Variants in CDC42EP4 observed in about 807,000 individuals in gnomAD.
CDC42EP4 encodes the protein CDC42 effector protein (Rho GTPase binding) 4.
A neutral mutation model predicts 5.6 loss-of-function variants in CDC42EP4; 6 were observed. The observed-to-expected ratio is 1.07, with a 90% CI of 0.59 to 2.12. The LOEUF (loss-of-function observed/expected upper bound fraction) is 2.12, where lower values mean the gene tolerates loss of function less well. Ranked by LOEUF, CDC42EP4 falls within the 30% of genes most tolerant of loss-of-function variation. The pLI is 0.00. For missense variants in CDC42EP4, 490 were observed against 508.6 expected, an observed-to-expected ratio of 0.96 and a Z score of 0.35; for synonymous variants, 230 against 224.2, an observed-to-expected ratio of 1.03 and a Z score of -0.23.
intron 1 of CDC42EP4, among the ~76,000 whole-genome samples, chr17:73,288,964 T>C (rs899998954): frequency 1.3e-5 from 2 of 152,202 alleles, no homozygotes; most frequent in Admixed American, 1.3e-4. Context: ...TACTCTACTC[T>C]GGGTCATAGG....
rs1951123796 is a variant in CDC42EP4 at position 73,285,695 on chromosome 17, G to A, written c.806C>T (p.Ala269Val). Residue 269 changes from alanine to valine, a missense_variant, in exon 2 of 2, where the codon GCT becomes GTT. Transcript: ENST00000335793. This position sits in a 1 kb window ranked among gnomAD's most constrained non-coding sequence, Gnocchi z 6.8. ...GGGGAGGGAGGGCAAGTCTGGGCCAGCCTTGCCTTCCTGCCTTGCCAGGGG... is the reference window on the plus strand; with the variant it reads ...GGGGAGGGAGGGCAAGTCTGGGCCAACCTTGCCTTCCTGCCTTGCCAGGGG... ...APPLARQEGK[A>V]GPDLPSLPSH... 4 of 1,571,896 alleles carry A rather than the reference G, an allele frequency of 2.5e-6. No individual in the cohort carries two copies. Among genetic ancestry groups the A allele is most frequent in the Non-Finnish European group, 3.5e-6 (4 of 1,153,902 alleles).
chr17:73,302,565 G>A (rs947804230), intron 1 of CDC42EP4, among the ~76,000 whole-genome samples: 5 of 151,682 alleles, frequency 3.3e-5, no homozygotes, highest in African/African-American at 1.2e-4. Context: ...TAGCCTCAAC[G>A]TCCTAGGCTC....
intron 1 of CDC42EP4, among the ~76,000 whole-genome samples, chr17:73,307,690 C>T (rs531301822): frequency 5.9e-5 from 9 of 151,470 alleles, no homozygotes; most frequent in African/African-American, 1.9e-4. Flanking sequence ...CCTCCTGATC[C>T]ACCCGCCTTG....
chr17:73,297,801 GGT>G (rs2062196423), intron 1 of CDC42EP4, among the ~76,000 whole-genome samples: 1 of 151,908 alleles, frequency 6.6e-6, no homozygotes, highest in Non-Finnish European at 1.5e-5. Flanking sequence ...TGGGATTACA[GGT>G]GCACACCATG....
intron 1 of CDC42EP4, among the ~76,000 whole-genome samples, chr17:73,302,768 C>T (rs567220701): frequency 2.2e-4 from 34 of 152,252 alleles, no homozygotes; most frequent in African/African-American, 7.2e-4. Flanking sequence ...ATTGGCCGGG[C>T]GCGGTGGCTC....
intron 1 of CDC42EP4, among the ~76,000 whole-genome samples, chr17:73,292,271 G>A (rs977443608): frequency 2.6e-5 from 4 of 152,222 alleles, no homozygotes; most frequent in Admixed American, 1.3e-4. Context: ...CCAACCACCC[G>A]ATGCCAGGTC....
intron 1 of CDC42EP4, among the ~76,000 whole-genome samples, chr17:73,305,586 A>C (rs923445933): frequency 2.6e-4 from 39 of 152,230 alleles, no homozygotes; most frequent in Non-Finnish European, 8.8e-5. Flanking sequence ...AGTTGGGGAC[A>C]AAGAGCCCCA....
At chr17:73,295,918 A>G (rs1173605397) in intron 1 of CDC42EP4, among the ~76,000 whole-genome samples, 1 of 151,796 alleles carries the variant, frequency 6.6e-6, no homozygotes, top group Non-Finnish European at 1.5e-5. Flanking sequence ...AAAAAAAAAA[A>G]AAAAGAATGA....
chr17:73,287,933 C>G (rs1249135825), intron 1 of CDC42EP4, among the ~76,000 whole-genome samples: 1 of 152,184 alleles, frequency 6.6e-6, no homozygotes, highest in Non-Finnish European at 1.5e-5. Flanking sequence ...AAACAAAACC[C>G]ATCCACATGA....
intron 1 of CDC42EP4, among the ~76,000 whole-genome samples, chr17:73,299,290 C>T (rs1255456095): frequency 1.3e-5 from 2 of 151,540 alleles, no homozygotes; most frequent in African/African-American, 2.4e-5. Context: ...ATTAGCCAGG[C>T]GTGGTGGTGG....
Position 73,297,001 on chromosome 17 carries a change from A to AAAAAAAAAACAC in CDC42EP4, c.-112-10390_-112-10389insGTGTTTTTTTTT, listed in dbSNP as rs547362762. Among the ~76,000 whole-genome samples, 50 of 61,774 alleles carry AAAAAAAAAACAC rather than the reference A, an allele frequency of 8.1e-4. 10 individuals are homozygous for AAAAAAAAAACAC. The highest frequency in any genetic ancestry group is 1.8e-3 in the African/African-American group (33 of 18,772). 40.5% of individuals were successfully genotyped at this position (61,774 alleles called of 152,430 possible). A position where few individuals can be genotyped will look rare whatever the true frequency, so the allele number is the denominator to read the frequency against. On this transcript the variant is annotated intron_variant, in intron 1 of 1. Coordinates refer to ENST00000335793, the MANE Select transcript of CDC42EP4 (RefSeq NM_012121.5). ...GTCTCAAAAAAAAAAAAAAAAAAAA[A>AAAAAAAAAACAC]AAATACACAAGGCCAAGCGCCGTGG...
intron 1 of CDC42EP4, among the ~76,000 whole-genome samples, chr17:73,293,612 CT>C (rs2062171784): frequency 1.3e-5 from 2 of 152,186 alleles, no homozygotes. Flanking sequence ...CTACACAAGG[CT>C]TGTCAGATGG....
chr17:73,307,739 C>T (rs112024432), intron 1 of CDC42EP4, among the ~76,000 whole-genome samples: 161 of 146,076 alleles, frequency 1.1e-3, no homozygotes, highest in African/African-American at 3.8e-3. Flanking sequence ...TGAGCCACCA[C>T]GCCTGGCCCT....
At chr17:73,294,113 G>A (rs1184519848) in intron 1 of CDC42EP4, among the ~76,000 whole-genome samples, 2 of 152,202 alleles carry the variant, frequency 1.3e-5, no homozygotes, top group South Asian at 2.1e-4. Flanking sequence ...CACTTTGGGA[G>A]GCTGAGGCGG....
Position 73,286,791 on chromosome 17 carries a change from T to C in CDC42EP4, c.-112-179A>G, listed in dbSNP as rs1242568143. 1 of 364,192 alleles carries C rather than the reference T, an allele frequency of 2.7e-6. No homozygotes were observed. The highest frequency in any genetic ancestry group is 5.0e-6 in the Non-Finnish European group (1 of 201,102). 22.6% of individuals were successfully genotyped at this position (364,192 alleles called of 1,614,324 possible). A position where few individuals can be genotyped will look rare whatever the true frequency, so the allele number is the denominator to read the frequency against. The stretch of plus-strand genomic sequence containing the variant: ...TTTCTTCATCCGCAGGCATTCAGAG[T>C]AGAGGAGTGATTTTGCAAATCTGGT... On this transcript the variant is annotated intron_variant, in intron 1 of 1. Coordinates refer to ENST00000335793, the MANE Select transcript of CDC42EP4 (RefSeq NM_012121.5). The surrounding 1 kb of genome is among the most constrained non-coding windows in gnomAD (Gnocchi z 7.7).
At position 73,285,851 on chromosome 17, in the gene CDC42EP4, A is replaced by G; in HGVS notation, c.650T>C (p.Met217Thr). Residue 217 changes from methionine (M) to threonine (T), a missense_variant, in exon 2 of 2, where the codon ATG becomes ACG. Coordinates refer to ENST00000335793, the MANE Select transcript of CDC42EP4 (RefSeq NM_012121.5). This position sits in a 1 kb window ranked among gnomAD's most constrained non-coding sequence, Gnocchi z 6.8. ...MSFHIDLGPS[M>T]LGDVLSIMDK... ...CATGATGCTGAGGACGTCACCCAGCATGGAGGGCCCCAGGTCGATGTGGAA... is the reference window on the plus strand; with the variant it reads ...CATGATGCTGAGGACGTCACCCAGCGTGGAGGGCCCCAGGTCGATGTGGAA... 1 of 1,613,944 alleles carries G rather than the reference A, an allele frequency of 6.2e-7. No homozygotes were observed.
rs111475787 is a variant in CDC42EP4, at chr17:73,298,962, CTTT to C, written c.-112-12353_-112-12351del. ...TTTTACTCACTCTCACATCTCACAG[CTTT>C]TTTTTTTTTTGAGACACGGCATTGC... is the stretch of plus-strand genomic sequence containing the variant. On this transcript the variant is annotated intron_variant, in intron 1 of 1. Coordinates refer to ENST00000335793, the MANE Select transcript of CDC42EP4 (RefSeq NM_012121.5). Among the ~76,000 whole-genome samples, 907 of 145,242 alleles carry C rather than the reference CTTT, an allele frequency of 6.2e-3. 11 individuals carry two copies. Among genetic ancestry groups the C allele is most frequent in the African/African-American group, 0.022 (872 of 39,910 alleles).
chr17:73,309,074 A>T (rs1267829199), intron 1 of CDC42EP4, among the ~76,000 whole-genome samples: 1 of 118,236 alleles, frequency 8.5e-6, no homozygotes, highest in Non-Finnish European at 1.7e-5. Context: ...GGCCAGGTGC[A>T]GTGGCTCATA....
chr17:73,295,494 A>G (rs898945320), intron 1 of CDC42EP4, among the ~76,000 whole-genome samples: 2 of 152,186 alleles, frequency 1.3e-5, no homozygotes, highest in South Asian at 4.1e-4. Flanking sequence ...AGGCAGGGGG[A>G]ACATTACAAA....
Sources: gnomAD v4.1 joint callset for allele counts (sites outside exome capture counted in the v4.1 genomes callset) on GRCh38, gnomAD v4.1.1 for gene constraint, Gnocchi (gnomAD v3.1) non-coding constraint, MANE v1.5 for transcripts, NCBI Gene and HGNC (gene_info 2026-07-23, HGNC 2026-07-21) for gene names.